Variants in CFH observed in about 807,000 individuals in gnomAD.
CFH encodes complement factor H.
CFH carries 53 observed loss-of-function variants against 147.3 expected under a neutral mutation model. That is an observed-to-expected ratio of 0.36 (90% CI 0.29 to 0.45). The LOEUF is 0.45. Among genes scored for constraint, CFH ranks in the 20% least tolerant of loss-of-function variants. The pLI, the probability that CFH is intolerant of heterozygous loss-of-function variation, is 1.00. For missense variants in CFH, 1,380 were observed against 1,498.0 expected, an observed-to-expected ratio of 0.92 and a Z score of 1.30; for synonymous variants, 536 against 489.4, an observed-to-expected ratio of 1.10 and a Z score of -1.26.
chr1:196,676,625 A>C (rs1193730148), intron 4 of CFH, among the ~76,000 whole-genome samples: 1 of 152,160 alleles, frequency 6.6e-6, no homozygotes, highest in Admixed American at 6.6e-5. Flanking sequence ...AATAATCCAA[A>C]TCTCTAGTCA....
intron 1 of CFH, among the ~76,000 whole-genome samples, chr1:196,652,959 T>C (rs747498580): frequency 6.6e-6 from 1 of 151,848 alleles, no homozygotes; most frequent in Non-Finnish European, 1.5e-5. Context: ...TAGTTTTTGA[T>C]AGGTAACCAG....
Position 196,726,900 on chromosome 1 carries a change from G to T in CFH, c.2196G>T (p.Thr732=). Residue 732 remains threonine (T), a synonymous_variant, in exon 14 of 22, where the codon ACG becomes ACT. Transcript: ENST00000367429. ...SFTMIGHRSI[T]CIHGVWTQLP... is the part of the protein sequence containing the mutation. ...CAATGATTGGACACAGATCAATTAC[G>T]TGTATTCATGGAGTATGGACCCAAC... The T allele has an allele frequency of 3.7e-6, 6 of 1,613,638 alleles. No individual in the cohort carries two copies. Among genetic ancestry groups the T allele is most frequent in the Non-Finnish European group, 5.1e-6 (6 of 1,179,722 alleles).
At chr1:196,692,631 C>T (rs1206502096) in intron 9 of CFH, among the ~76,000 whole-genome samples, 3 of 99,694 alleles carry the variant, frequency 3.0e-5, no homozygotes. Context: ...ATTCTTTTTT[C>T]TTTCTTCCTT....
chr1:196,717,675 A>G (rs1318732339), intron 11 of CFH, among the ~76,000 whole-genome samples: 1 of 152,140 alleles, frequency 6.6e-6, no homozygotes, highest in Admixed American at 6.6e-5. Context: ...AAAGTTGTGC[A>G]CTGAAGGGAT....
chr1:196,711,466 G>A (rs1169951587), intron 9 of CFH, among the ~76,000 whole-genome samples: 1 of 151,516 alleles, frequency 6.6e-6, no homozygotes, highest in Non-Finnish European at 1.5e-5. Context: ...ACCAAAATGT[G>A]GATTTTTTTT....
chr1:196,726,824 C>A lies in CFH; in HGVS notation c.2120C>A (p.Pro707His). Residue 707 changes from proline to histidine, a missense_variant, in exon 14 of 22, where the codon CCT (proline) becomes CAT (histidine). Pro to His is a moderately conservative substitution (Grantham distance 77). This residue lies in a region of CFH where 830 missense variants were observed against 821.4 expected (regional missense o/e 1.01). Coordinates refer to ENST00000367429, the MANE Select transcript of CFH (RefSeq NM_000186.4). ...CATGGCTGGGCCCAGCTTTCTTCCC[C>A]TCCTTATTACTATGGAGATTCAGTG... ...LEHGWAQLSS[P>H]PYYYGDSVEF... 1 of 1,613,808 alleles carries A rather than the reference C, an allele frequency of 6.2e-7. No homozygotes were observed. The highest frequency in any genetic ancestry group is 8.5e-7 in the Non-Finnish European group (1 of 1,179,826).
intron 11 of CFH, among the ~76,000 whole-genome samples, chr1:196,723,554 G>A (rs796135391): frequency 2.0e-4 from 31 of 152,250 alleles, no homozygotes; most frequent in African/African-American, 7.0e-4. Context: ...GGACAGGTAA[G>A]AGCCAGCTGC....
At chr1:196,712,368 T>C (rs1487661064) in intron 9 of CFH, among the ~76,000 whole-genome samples, 4 of 151,380 alleles carry the variant, frequency 2.6e-5, no homozygotes, top group African/African-American at 9.7e-5. Flanking sequence ...TAATTTATTA[T>C]AAATAATAAT....
intron 20 of CFH, among the ~76,000 whole-genome samples, chr1:196,744,815 C>T (rs984595107): frequency 1.8e-4 from 27 of 152,070 alleles, no homozygotes; most frequent in Non-Finnish European, 4.0e-4. Context: ...GTCTCAAGCT[C>T]TTTCTTTTAT....
intron 11 of CFH, 108 bp from the exon 12 acceptor site, chr1:196,725,013 C>G: frequency 1.2e-6 from 1 of 824,060 alleles, no homozygotes. Context: ...TTATCTGATG[C>G]CCCTCTGTAT....
In CFH at chr1:196,745,958, C is replaced by A; in HGVS notation, c.3452C>A (p.Thr1151Lys). 1 of 1,614,072 alleles carries A rather than the reference C, an allele frequency of 6.2e-7. No individual in the cohort carries two copies. The highest frequency in any genetic ancestry group is 8.5e-7 in the Non-Finnish European group (1 of 1,180,006). The change falls in exon 21 of 22, where the codon ACA becomes AAA. Residue 1151 changes from threonine (T) to lysine (K), a missense_variant. Transcript: ENST00000367429. ...LYQLEGNKRITCRNGQWSEPP... is the reference protein window; with the variant it reads ...LYQLEGNKRIKCRNGQWSEPP... ...CAACTTGAGGGTAACAAGCGAATAACATGTAGAAATGGACAATGGTCAGAA... is the reference window on the plus strand; with the variant it reads ...CAACTTGAGGGTAACAAGCGAATAAAATGTAGAAATGGACAATGGTCAGAA...
chr1:196,669,158 G>A (rs1334079950), intron 1 of CFH, among the ~76,000 whole-genome samples: 1 of 152,158 alleles, frequency 6.6e-6, no homozygotes, highest in African/African-American at 2.4e-5. Flanking sequence ...CCCTTCCCTA[G>A]AGATCTGTGG....
Position 196,725,263 on chromosome 1 carries a change from C to G in CFH, c.1839C>G (p.His613Gln). ...IVGPNSVQCYHFGLSPDLPIC... is the reference protein window; with the variant it reads ...IVGPNSVQCYQFGLSPDLPIC... ...GACCTAATTCCGTTCAGTGCTACCACTTTGGATTGTCTCCTGACCTCCCAA... is the reference window on the plus strand; with the variant it reads ...GACCTAATTCCGTTCAGTGCTACCAGTTTGGATTGTCTCCTGACCTCCCAA... Residue 613 changes from histidine (H) to glutamine (Q), a missense_variant, in exon 12 of 22, where the codon CAC (histidine) becomes CAG (glutamine). His to Gln is a conservative substitution (Grantham distance 24, BLOSUM62 0). Transcript: ENST00000367429. 1 of 1,613,910 alleles carries G rather than the reference C, an allele frequency of 6.2e-7. No individual in the cohort carries two copies. Among genetic ancestry groups the G allele is most frequent in the South Asian group, 1.1e-5 (1 of 91,078 alleles).
intron 9 of CFH, among the ~76,000 whole-genome samples, chr1:196,711,385 C>A (rs2149100895): frequency 6.6e-6 from 1 of 152,064 alleles, no homozygotes; most frequent in East Asian, 1.9e-4. Context: ...CAGTGTTTGG[C>A]TGGAGTAGGG....
Position 196,675,992 on chromosome 1 carries a change from T to C in CFH, c.354T>C (p.Tyr118=), listed in dbSNP as rs376321145. 9.3e-6 allele frequency: 15 copies of C among 1,607,860 alleles called. No homozygotes were observed. The highest frequency in any genetic ancestry group is 1.2e-5 in the Non-Finnish European group (14 of 1,175,088). Residue 118 remains tyrosine (Y), a synonymous_variant, in exon 4 of 22, where the codon TAT becomes TAC. Transcript: ENST00000367429. ...VKAVYTCNEG[Y]QLLGEINYRE... ...TCTGTTATTTTTTGGTTTTCAGGTA[T>C]CAATTGCTAGGTGAGATTAATTACC... is the stretch of plus-strand genomic sequence containing the variant.
Position 196,736,706 on chromosome 1 carries a change from ATCTT to A in CFH, c.2414-114_2414-111del, listed in dbSNP as rs554156507. Reference sequence around the variant, plus strand: ...GTGATAATTTATGAAACAGTTATTGATCTTTCTATTTATTCTATTTTAATCATAT... The same window carrying A: ...GTGATAATTTATGAAACAGTTATTGATCTATTTATTCTATTTTAATCATAT... On this transcript the variant is annotated intron_variant, in intron 15 of 21. Coordinates refer to ENST00000367429, the MANE Select transcript of CFH (RefSeq NM_000186.4). 121 of 395,448 alleles carry A rather than the reference ATCTT, an allele frequency of 3.1e-4. No homozygotes were observed. In the Admixed American group the frequency reaches 4.4e-3, roughly 14 times the overall value. 24.5% of individuals were successfully genotyped at this position (395,448 alleles called of 1,614,324 possible).
At chr1:196,682,268 G>T (rs1353635308) in intron 6 of CFH, among the ~76,000 whole-genome samples, 1 of 151,702 alleles carries the variant, frequency 6.6e-6, no homozygotes, top group African/African-American at 2.4e-5. Context: ...TGCTAACCTT[G>T]AATTAGTATT....
chr1:196,701,736 T>G (rs1276680503), intron 9 of CFH, among the ~76,000 whole-genome samples: 1 of 152,114 alleles, frequency 6.6e-6, no homozygotes, highest in East Asian at 1.9e-4. Context: ...CCCTAGCAGC[T>G]TACTTAGCTC....
intron 9 of CFH, among the ~76,000 whole-genome samples, chr1:196,713,165 A>G (rs1167749749): frequency 6.6e-6 from 1 of 152,150 alleles, no homozygotes; most frequent in Non-Finnish European, 1.5e-5. Context: ...ACATAATTTG[A>G]GGAATCATCA....
Sources: allele counts gnomAD v4.1 joint callset (sites outside exome capture counted in the v4.1 genomes callset), GRCh38; gene constraint gnomAD v4.1.1; regional missense constraint gnomAD v4.1.1; transcripts MANE v1.5; gene names NCBI Gene and HGNC (gene_info 2026-07-23, HGNC 2026-07-21).